The following GRID2 variants were observed in gnomAD, a reference collection of about 807,000 sequenced individuals.
GRID2 encodes the protein glutamate ionotropic receptor delta type subunit 2.
GRID2 carries 33 observed loss-of-function variants against 114.8 expected under a neutral mutation model. The ratio of observed to expected loss-of-function variants is 0.29; its 90% CI spans 0.22 to 0.38. GRID2 has a LOEUF of 0.38. Ranked by LOEUF, GRID2 falls within the 10% of genes least tolerant of loss-of-function variation. GRID2 has a pLI of 1.00. For missense variants in GRID2, 1,184 were observed against 1,257.7 expected (o/e 0.94, Z 0.89); for synonymous variants, 505 against 449.9 (o/e 1.12, Z -1.55).
intron 6 of GRID2, among the ~76,000 whole-genome samples, chr4:93,221,104 C>G (rs1216267591): frequency 6.6e-6 from 1 of 152,140 alleles, no homozygotes; most frequent in African/African-American, 2.4e-5. Context: ...TTTGCTGTAA[C>G]TATTTTAATA....
intron 13 of GRID2, among the ~76,000 whole-genome samples, chr4:93,600,275 A>T (rs945102420): frequency 2.6e-5 from 4 of 152,222 alleles, no homozygotes; most frequent in African/African-American, 9.6e-5. Context: ...TAAGAAAATT[A>T]AAAAGGTAAG....
At chr4:93,286,506 C>T (rs1753166983) in intron 8 of GRID2, among the ~76,000 whole-genome samples, 1 of 152,072 alleles carries the variant, frequency 6.6e-6, no homozygotes. Flanking sequence ...TTGTGCTTTG[C>T]CATTAACTTC....
intron 2 of GRID2, among the ~76,000 whole-genome samples, chr4:92,989,276 CAAAAA>C (rs1182397768): frequency 4.5e-3 from 331 of 74,226 alleles, no homozygotes; most frequent in African/African-American, 0.016. Context: ...GACTCCATCT[CAAAAA>C]AAAAAAAAAA....
chr4:93,560,663 A>C (rs1734833894), intron 13 of GRID2, among the ~76,000 whole-genome samples: 1 of 152,118 alleles, frequency 6.6e-6, no homozygotes, highest in Non-Finnish European at 1.5e-5. Flanking sequence ...TTATTTATGT[A>C]GAGACAGGAT....
chr4:92,415,185 G>A (rs1731535845), intron 1 of GRID2, among the ~76,000 whole-genome samples: 2 of 151,966 alleles, frequency 1.3e-5, no homozygotes, highest in South Asian at 2.1e-4. Flanking sequence ...AACAGAAATT[G>A]TTGATAATAT....
At chr4:92,527,083 C>T (rs1442197592) in intron 1 of GRID2, among the ~76,000 whole-genome samples, 2 of 151,710 alleles carry the variant, frequency 1.3e-5, no homozygotes, top group African/African-American at 4.8e-5. Flanking sequence ...AAAAAACTCA[C>T]AATGTTAGTA....
At chr4:93,137,128 A>G (rs1458931018) in intron 4 of GRID2, among the ~76,000 whole-genome samples, 1 of 152,056 alleles carries the variant, frequency 6.6e-6, no homozygotes, top group Non-Finnish European at 1.5e-5. Context: ...TATAACTGTT[A>G]CTCTTGTAGC....
At chr4:92,712,680 C>G (rs1238759861) in intron 2 of GRID2, among the ~76,000 whole-genome samples, 1 of 151,968 alleles carries the variant, frequency 6.6e-6, no homozygotes, top group African/African-American at 2.4e-5. Context: ...CTATAGTTTG[C>G]AGGATTCTCT....
At chr4:92,576,610 T>C (rs1280210651) in intron 1 of GRID2, among the ~76,000 whole-genome samples, 2 of 152,112 alleles carry the variant, frequency 1.3e-5, no homozygotes, top group Non-Finnish European at 2.9e-5. Context: ...AGCTCCTGGA[T>C]CTCTGCATGT....
intron 2 of GRID2, among the ~76,000 whole-genome samples, chr4:92,949,140 GTGTGTGTGTGTC>G (rs903679111): frequency 2.1e-4 from 32 of 151,752 alleles, no homozygotes; most frequent in Non-Finnish European, 3.7e-4. Flanking sequence ...AAATGTGTGT[GTGTGTGTGTGTC>G]TGTGTGTGTG....
chr4:92,361,680 T>C (rs976251917), intron 1 of GRID2, among the ~76,000 whole-genome samples: 1 of 152,000 alleles, frequency 6.6e-6, no homozygotes, highest in African/African-American at 2.4e-5. Context: ...TCAGTGGATA[T>C]AAAAAAGTTT....
At chr4:92,452,391 C>G (rs1340858853) in intron 1 of GRID2, among the ~76,000 whole-genome samples, 1 of 151,122 alleles carries the variant, frequency 6.6e-6, no homozygotes, top group African/African-American at 2.4e-5. Flanking sequence ...GATCTTGGCT[C>G]ACTGTAACCT....
At chr4:92,381,071 C>T (rs993823216) in intron 1 of GRID2, among the ~76,000 whole-genome samples, 3 of 151,892 alleles carry the variant, frequency 2.0e-5, no homozygotes, top group Admixed American at 6.6e-5. Context: ...AATCTTAAGC[C>T]TCTTTGAAAT....
Position 93,479,475 on chromosome 4 carries a change from A to G in GRID2, c.1859-11164A>G, listed in dbSNP as rs1252741678. ...TATGGAGGCTGAGAATTCTCATGAC[A>G]GGCTGTCTGCAACCTAGAGATTCTG... On this transcript the variant is annotated intron_variant, in intron 11 of 15. Coordinates refer to ENST00000282020, the MANE Select transcript of GRID2 (RefSeq NM_001510.4). 2.0e-5 allele frequency among the ~76,000 whole-genome samples: 3 copies of G among 152,102 alleles called. No homozygotes were observed. The East Asian group carries it at 5.8e-4, about 29-fold the overall frequency.
chr4:92,405,606 T>A (rs1227692570), intron 1 of GRID2, among the ~76,000 whole-genome samples: 1 of 152,028 alleles, frequency 6.6e-6, no homozygotes, highest in Non-Finnish European at 1.5e-5. Context: ...TTCATTTTTA[T>A]ATATGTATAT....
At chr4:93,806,216 G>T (rs1359869115) in intron 1 of GRID2, among the ~76,000 whole-genome samples, 1 of 152,174 alleles carries the variant, frequency 6.6e-6, no homozygotes, top group Non-Finnish European at 1.5e-5. Context: ...ATTATTAATT[G>T]TTAGTGTTTT....
At chr4:93,004,885 T>G (rs1578729201) in intron 2 of GRID2, among the ~76,000 whole-genome samples, 1 of 152,226 alleles carries the variant, frequency 6.6e-6, no homozygotes, top group South Asian at 2.1e-4. Context: ...TGAAAGTATT[T>G]TTTTCACTTT....
At chr4:92,363,116 A>G (rs1490399898) in intron 1 of GRID2, among the ~76,000 whole-genome samples, 1 of 152,074 alleles carries the variant, frequency 6.6e-6, no homozygotes, top group Non-Finnish European at 1.5e-5. Context: ...TATGGCCAGC[A>G]GACAACACTC....
intron 8 of GRID2, among the ~76,000 whole-genome samples, chr4:93,273,695 AAGAC>A (rs1421405388): frequency 6.6e-6 from 1 of 152,094 alleles, no homozygotes; most frequent in Non-Finnish European, 1.5e-5. Context: ...TGCCCTAAGA[AAGAC>A]AGGCCCTGCC....
Sources: allele counts gnomAD v4.1 joint callset (sites outside exome capture counted in the v4.1 genomes callset), GRCh38; gene constraint gnomAD v4.1.1; transcripts MANE v1.5; gene names NCBI Gene and HGNC (gene_info 2026-07-23, HGNC 2026-07-21).